EXTL3: variants seen among roughly 807,000 people sequenced by gnomAD.
EXTL3 encodes the protein exostosin like glycosyltransferase 3, also known as exostosin-like 3.
EXTL3 carries 27 observed loss-of-function variants against 69.3 expected under a neutral mutation model. The observed-to-expected ratio is 0.39, with a 90% CI of 0.29 to 0.54. EXTL3 has a LOEUF of 0.54. Among genes scored for constraint, EXTL3 ranks in the 20% least tolerant of loss-of-function variants. EXTL3 has a pLI of 0.69. For missense variants in EXTL3, 1,003 were observed against 1,231.8 expected (o/e 0.81, Z 2.78); for synonymous variants, 511 against 499.4 (o/e 1.02, Z -0.31).
At chr8:28,660,641 T>A (rs538431360) in intron 1 of EXTL3, among the ~76,000 whole-genome samples, 182 of 152,198 alleles carry the variant, frequency 1.2e-3, no homozygotes, top group African/African-American at 3.8e-3. Flanking sequence ...ACCACTATCC[T>A]TCTCTAGAAC....
intron 1 of EXTL3, among the ~76,000 whole-genome samples, chr8:28,635,109 A>G (rs1409293728): frequency 6.6e-6 from 1 of 152,154 alleles, no homozygotes; most frequent in Non-Finnish European, 1.5e-5. Context: ...TTCTAGCTCA[A>G]GAACTAGAAA....
upstream of EXTL3, among the ~76,000 whole-genome samples, chr8:28,619,392 G>C (rs1043366260): frequency 3.4e-5 from 5 of 147,008 alleles, no homozygotes; most frequent in Non-Finnish European, 5.9e-5. Flanking sequence ...AGCGAAAGAA[G>C]GGTGTTTTCC....
intron 1 of EXTL3, among the ~76,000 whole-genome samples, chr8:28,650,795 ATAT>A (rs1806907501): frequency 6.6e-6 from 1 of 152,082 alleles, no homozygotes; most frequent in African/African-American, 2.4e-5. Flanking sequence ...TTCTGGGCTA[ATAT>A]TATACAGTCT....
At chr8:28,722,515 C>T (rs1352415734) in intron 3 of EXTL3, among the ~76,000 whole-genome samples, 2 of 152,010 alleles carry the variant, frequency 1.3e-5, no homozygotes, top group Non-Finnish European at 2.9e-5. Flanking sequence ...GTGGCTCACG[C>T]CTGTAATCCC....
At chr8:28,622,551 GA>G (rs1268643768), upstream of EXTL3, among the ~76,000 whole-genome samples, 1 of 151,222 alleles carries the variant, frequency 6.6e-6, no homozygotes, top group African/African-American at 2.4e-5. Context: ...AGCCGACGCG[GA>G]GGCGGTGGGC....
chr8:28,710,995 A>G (rs914670490), intron 1 of EXTL3, among the ~76,000 whole-genome samples: 11 of 152,362 alleles, frequency 7.2e-5, no homozygotes, highest in Admixed American at 3.3e-4. Context: ...TCAGTGAACC[A>G]TCTGGGGCTG....
chr8:28,739,322 T>A (rs926062452), intron 5 of EXTL3, among the ~76,000 whole-genome samples: 1 of 152,084 alleles, frequency 6.6e-6, no homozygotes, highest in African/African-American at 2.4e-5. Flanking sequence ...AAAATTCATT[T>A]TTATAGGGAC....
At chr8:28,619,835 G>A (rs544937901), upstream of EXTL3, among the ~76,000 whole-genome samples, 5 of 128,144 alleles carry the variant, frequency 3.9e-5, no homozygotes, top group South Asian at 1.4e-3. Context: ...CGCCGACAGG[G>A]CTTCTGGTTC....
chr8:28,621,319 G>A (rs1289676572), upstream of EXTL3, among the ~76,000 whole-genome samples: 2 of 152,170 alleles, frequency 1.3e-5, no homozygotes, highest in African/African-American at 4.8e-5. Flanking sequence ...TTTGGACACA[G>A]GAAAAATGCC....
chr8:28,728,883 C>G (rs148219658), intron 3 of EXTL3, among the ~76,000 whole-genome samples: 1 of 152,020 alleles, frequency 6.6e-6, no homozygotes, highest in Non-Finnish European at 1.5e-5. Context: ...CAACTCAAGA[C>G]TCCATCTCTT....
chr8:28,703,348 C>G (rs570997908), intron 1 of EXTL3, among the ~76,000 whole-genome samples: 2 of 152,246 alleles, frequency 1.3e-5, no homozygotes, highest in African/African-American at 4.8e-5. Context: ...TGGGATCTTT[C>G]AGTGATTAGG....
At position 28,751,007 on chromosome 8, in the gene EXTL3, A is replaced by T. The variant is rs1279648319; in HGVS notation, c.*141A>T. 1.4e-6 allele frequency: 1 copy of T among 712,308 alleles called. No individual in the cohort carries two copies. The highest frequency in any genetic ancestry group is 2.4e-6 in the Non-Finnish European group (1 of 421,330). The allele number at this position is 712,308 out of a possible 1,614,324, so 44.1% of individuals were successfully genotyped here. On this transcript the variant is annotated 3_prime_UTR_variant, in exon 7 of 7. Coordinates refer to ENST00000220562, the MANE Select transcript of EXTL3 (RefSeq NM_001440.4). ...TGGAAGGGGCAGCAGGAGGAGTGGA[A>T]GGAAACCGCTGCCTTTATCTTGAAG...
intron 1 of EXTL3, among the ~76,000 whole-genome samples, chr8:28,646,945 A>AT (rs1469333637): frequency 1.3e-5 from 2 of 152,184 alleles, no homozygotes; most frequent in African/African-American, 4.8e-5. Context: ...CACTAAGTGA[A>AT]TCTTACTGTG....
chr8:28,634,395 G>T (rs755665357), intron 1 of EXTL3, among the ~76,000 whole-genome samples: 2 of 151,930 alleles, frequency 1.3e-5, no homozygotes, highest in African/African-American at 4.8e-5. Flanking sequence ...CGTGCAGCTC[G>T]CAGCACCCAG....
chr8:28,631,961 G>A (rs1170070597), intron 1 of EXTL3, among the ~76,000 whole-genome samples: 2 of 151,458 alleles, frequency 1.3e-5, no homozygotes, highest in Non-Finnish European at 2.9e-5. Context: ...GGTGGTGCAC[G>A]CCTGTAGTCC....
At chr8:28,682,617 T>C (rs964528421) in intron 1 of EXTL3, among the ~76,000 whole-genome samples, 6 of 152,096 alleles carry the variant, frequency 3.9e-5, no homozygotes, top group African/African-American at 9.7e-5. Flanking sequence ...TAATTTTTTG[T>C]ATTTCTAGTA....
intron 3 of EXTL3, among the ~76,000 whole-genome samples, chr8:28,724,248 C>T (rs1801361579): frequency 6.6e-6 from 1 of 152,168 alleles, no homozygotes; most frequent in African/African-American, 2.4e-5. Context: ...CCTAGGCTTT[C>T]TTACCTGCAC....
Position 28,716,310 on chromosome 8 carries a change from G to A in EXTL3, c.251G>A (p.Arg84His), listed in dbSNP as rs1367166867. ...CEVKHVLDLCRIRESVSEELL... is the reference protein window; with the variant it reads ...CEVKHVLDLCHIRESVSEELL... ...GTGAAGCACGTGCTGGATCTGTGCC[G>A]CATCCGGGAGTCGGTGAGTGAAGAG... The change falls in exon 3 of 7, where the codon CGC (arginine) becomes CAC (histidine). Residue 84 changes from arginine to histidine, a missense_variant. By Grantham distance (29) the Arg-to-His change is conservative. Around this residue, in one of 2 missense-constraint regions of EXTL3, gnomAD observed 742 missense variants for 815.4 expected, o/e 0.91. Transcript: ENST00000220562. The surrounding 1 kb of genome is among the most constrained non-coding windows in gnomAD (Gnocchi z 7.1). 6.8e-6 allele frequency: 11 copies of A among 1,614,054 alleles called. No homozygotes were observed. Among genetic ancestry groups the A allele is most frequent in the East Asian group, 2.2e-5 (1 of 44,894 alleles).
At chr8:28,643,940 A>G (rs955490249) in intron 1 of EXTL3, among the ~76,000 whole-genome samples, 1 of 151,822 alleles carries the variant, frequency 6.6e-6, no homozygotes, top group African/African-American at 2.4e-5. Context: ...TAATTTTTAA[A>G]TTTTTGTAGA....
Sources: allele counts gnomAD v4.1 joint callset (sites outside exome capture counted in the v4.1 genomes callset), GRCh38; gene constraint gnomAD v4.1.1; regional missense constraint gnomAD v4.1.1; non-coding constraint Gnocchi (gnomAD v3.1); transcripts MANE v1.5; gene names NCBI Gene and HGNC (gene_info 2026-07-23, HGNC 2026-07-21).